IQSEC1: variants seen among roughly 807,000 people sequenced by gnomAD.
IQSEC1 encodes the protein IQ motif and Sec7 domain ArfGEF 1.
In IQSEC1, 31 loss-of-function variants were observed where a neutral mutation model predicts 91.0. That is an observed-to-expected ratio of 0.34 (90% CI 0.26 to 0.46). The LOEUF (loss-of-function observed/expected upper bound fraction) is 0.46, where lower values mean the gene tolerates loss of function less well. Ranked by LOEUF, IQSEC1 falls within the 20% of genes least tolerant of loss-of-function variation. The pLI is 1.00. For missense variants in IQSEC1, 1,388 were observed against 1,575.6 expected (o/e 0.88, Z 2.02); for synonymous variants, 699 against 662.6 (o/e 1.05, Z -0.84).
chr3:13,008,168 C>T lies in IQSEC1; in HGVS notation c.23+64824G>A, dbSNP rs1443582168. 1.3e-5 allele frequency among the ~76,000 whole-genome samples: 2 copies of T among 152,180 alleles called. No homozygotes were observed. The highest frequency in any genetic ancestry group is 2.9e-5 in the Non-Finnish European group (2 of 68,024). On this transcript the variant is annotated intron_variant, in intron 1 of 13. Transcript: ENST00000613206. The surrounding 1 kb of genome is among the most constrained non-coding windows in gnomAD (Gnocchi z 4.1). Reference sequence around the variant, plus strand: ...GGCAGTTCTGAAGTTCAGGACTGAACCTAGCTGCCTCTCCTGGCTATGTCC... The same window carrying T: ...GGCAGTTCTGAAGTTCAGGACTGAATCTAGCTGCCTCTCCTGGCTATGTCC...
At chr3:13,032,355 C>T (rs1280100002) in intron 1 of IQSEC1, among the ~76,000 whole-genome samples, 1 of 152,220 alleles carries the variant, frequency 6.6e-6, no homozygotes. Flanking sequence ...ACACACACCC[C>T]GGCTGGCCCT....
At chr3:13,147,326 C>G (rs1706915611) in intron 2 of IQSEC1, among the ~76,000 whole-genome samples, 2 of 151,630 alleles carry the variant, frequency 1.3e-5, no homozygotes, top group Admixed American at 1.3e-4. Context: ...CCCACCCTCC[C>G]TCTTCTGAGT....
intron 12 of IQSEC1, among the ~76,000 whole-genome samples, chr3:12,903,911 C>T (rs1250173421): frequency 6.6e-6 from 1 of 152,254 alleles, no homozygotes; most frequent in Non-Finnish European, 1.5e-5. Flanking sequence ...AGGCCCAATT[C>T]TCACAGGCAG....
chr3:13,254,836 C>T (rs1282128467), intron 1 of IQSEC1, among the ~76,000 whole-genome samples: 2 of 152,170 alleles, frequency 1.3e-5, no homozygotes, highest in Non-Finnish European at 2.9e-5. Flanking sequence ...ATGAGGAAAC[C>T]GAGGCCCAGG....
intron 2 of IQSEC1, among the ~76,000 whole-genome samples, chr3:13,087,624 G>A (rs1201688508): frequency 1.3e-5 from 2 of 152,254 alleles, no homozygotes; most frequent in East Asian, 1.9e-4. Context: ...TTGAAAGGGA[G>A]TTTTTCTTTC....
chr3:12,964,589 A>C (rs1401571150), intron 1 of IQSEC1, among the ~76,000 whole-genome samples: 2 of 152,210 alleles, frequency 1.3e-5, no homozygotes, highest in African/African-American at 4.8e-5. Context: ...CCACATTCTC[A>C]GAGCACTCCA....
chr3:13,032,750 A>T (rs1703892777), intron 1 of IQSEC1, among the ~76,000 whole-genome samples: 1 of 151,850 alleles, frequency 6.6e-6, no homozygotes, highest in African/African-American at 2.4e-5. Flanking sequence ...CACCCAGCTA[A>T]TTTTTTTGTA....
intron 1 of IQSEC1, among the ~76,000 whole-genome samples, chr3:13,000,848 T>C (rs779741558): frequency 6.6e-6 from 1 of 152,176 alleles, no homozygotes; most frequent in Non-Finnish European, 1.5e-5. Context: ...ATCCAAACTA[T>C]CTCTATTCCT....
intron 2 of IQSEC1, among the ~76,000 whole-genome samples, chr3:13,085,140 A>T (rs569554431): frequency 4.6e-5 from 7 of 152,172 alleles, no homozygotes; most frequent in Non-Finnish European, 1.0e-4. Flanking sequence ...GGATGCCCCA[A>T]ACAGCCATAT....
At chr3:13,109,640 C>T (rs1706207655) in intron 2 of IQSEC1, among the ~76,000 whole-genome samples, 1 of 151,944 alleles carries the variant, frequency 6.6e-6, no homozygotes, top group South Asian at 2.1e-4. Flanking sequence ...GTGTGTGACC[C>T]TCCTCTCTCT....
chr3:13,070,357 A>G (rs1576234132), intron 1 of IQSEC1, among the ~76,000 whole-genome samples: 2 of 152,238 alleles, frequency 1.3e-5, no homozygotes, highest in African/African-American at 4.8e-5. Flanking sequence ...CCATGAGGCA[A>G]CTAAGCATGA....
At chr3:13,079,568 C>T (rs1705617268) in intron 2 of IQSEC1, among the ~76,000 whole-genome samples, 2 of 152,306 alleles carry the variant, frequency 1.3e-5, no homozygotes, top group Admixed American at 6.5e-5. Flanking sequence ...AGAGAACATC[C>T]CACCTTGGAC....
At chr3:13,050,677 C>A (rs533015218) in intron 1 of IQSEC1, among the ~76,000 whole-genome samples, 35 of 152,310 alleles carry the variant, frequency 2.3e-4, no homozygotes, top group African/African-American at 7.9e-4. Context: ...CTCTGTGCCC[C>A]ATTTTAGCTT....
rs985351239 is a variant in IQSEC1 at position 12,952,040 on chromosome 3, G to A, written c.24-10175C>T. Among the ~76,000 whole-genome samples, 8 of 152,260 alleles carry A rather than the reference G, an allele frequency of 5.3e-5. No individual in the cohort carries two copies. In the South Asian group the frequency reaches 6.2e-4, roughly 12 times the overall value. On this transcript the variant is annotated intron_variant, in intron 1 of 13. Transcript: ENST00000613206. ...CACCTAAACATCCCATGTGACTTCC[G>A]CTGGCTAACCAGGAGCACCATATCT...
intron 1 of IQSEC1, among the ~76,000 whole-genome samples, chr3:13,043,339 G>A (rs150135325): frequency 1.9e-3 from 289 of 152,228 alleles, no homozygotes; most frequent in Admixed American, 3.8e-3. Flanking sequence ...TGGTCCCGGC[G>A]TCTGCTCCAA....
At chr3:13,260,835 T>C (rs867802398) in intron 1 of IQSEC1, among the ~76,000 whole-genome samples, 110 of 152,238 alleles carry the variant, frequency 7.2e-4, no homozygotes, top group Middle Eastern at 6.8e-3. Flanking sequence ...GCTGAAAGCT[T>C]TGAAGGAAGA....
rs144671228 is a variant in IQSEC1, at chr3:12,958,275, G to C, written c.24-16410C>G. On this transcript the variant is annotated intron_variant, in intron 1 of 13. Transcript: ENST00000613206. The stretch of plus-strand genomic sequence containing the variant: ...GAAAGGGTCTTGGGGACAAATGAAG[G>C]CTGGGGGTAGGAAACACTATCCCCC... Among the ~76,000 whole-genome samples the C allele has an allele frequency of 1.2e-4, 18 of 152,316 alleles. No individual in the cohort carries two copies. In the East Asian group the frequency reaches 2.7e-3, roughly 23 times the overall value.
At chr3:13,005,377 G>A (rs1378510521) in intron 1 of IQSEC1, among the ~76,000 whole-genome samples, 5 of 152,288 alleles carry the variant, frequency 3.3e-5, no homozygotes, top group South Asian at 4.1e-4. Context: ...GGATCTGGGG[G>A]CCCAGAGCCA....
rs191967124 is a variant in IQSEC1, at chr3:13,045,151, G to A, written c.23+27841C>T. Among the ~76,000 whole-genome samples the A allele has an allele frequency of 1.4e-4, 22 of 152,308 alleles. 1 individual carries two copies. In the East Asian group the frequency reaches 3.5e-3, roughly 24 times the overall value. On this transcript the variant is annotated intron_variant, in intron 1 of 13. Coordinates refer to ENST00000613206, the MANE Select transcript of IQSEC1 (RefSeq NM_001134382.3). ...TGCTCCACCCCAGGGCCTCTGCACCGCTGTTCCCACCAGACTGTTGGGATG... is the reference window on the plus strand; with the variant it reads ...TGCTCCACCCCAGGGCCTCTGCACCACTGTTCCCACCAGACTGTTGGGATG...
Sources: allele counts gnomAD v4.1 joint callset (sites outside exome capture counted in the v4.1 genomes callset), GRCh38; gene constraint gnomAD v4.1.1; non-coding constraint Gnocchi (gnomAD v3.1); transcripts MANE v1.5; gene names NCBI Gene and HGNC (gene_info 2026-07-23, HGNC 2026-07-21).